SNX29: variants seen among roughly 807,000 people sequenced by gnomAD.
The protein encoded by SNX29 is sorting nexin 29, also known as sorting nexin-29.
Under a neutral mutation model 102.1 loss-of-function variants are expected in SNX29, and 78 were observed. That is an observed-to-expected ratio of 0.76 (90% CI 0.64 to 0.92). The LOEUF (loss-of-function observed/expected upper bound fraction) is 0.92. Among genes scored for constraint, SNX29 ranks in the 40% least tolerant of loss-of-function variants. SNX29 has a pLI of 0.00. For synonymous variants in SNX29, 580 were observed against 414.5 expected, an observed-to-expected ratio of 1.40 and a Z score of -4.85; for missense variants, 1,280 against 1,061.7, an observed-to-expected ratio of 1.21 and a Z score of -2.86.
At chr16:12,562,720 A>G (rs759089667) in intron 20 of SNX29, among the ~76,000 whole-genome samples, 11 of 152,304 alleles carry the variant, frequency 7.2e-5, no homozygotes, top group Admixed American at 3.3e-4. Context: ...CTACCGTGGT[A>G]CTGTTTCTCG....
Position 12,524,728 on chromosome 16 carries a change from A to G in SNX29, c.2205A>G (p.Arg735=). 1 of 1,613,460 alleles carries G rather than the reference A, an allele frequency of 6.2e-7. No individual in the cohort carries two copies. Among genetic ancestry groups the G allele is most frequent in the Non-Finnish European group, 8.5e-7 (1 of 1,179,706 alleles). ...ATGCCAAGTTTGTGGAGGAACGGAG[A>G]AAGCAGCTCCAGAATTACCTGCGCA... ...NKDAKFVEER[R]KQLQNYLRSV... The change falls in exon 20 of 21, where the codon AGA becomes AGG. Residue 735 remains arginine (R), a synonymous_variant. Transcript: ENST00000566228.
intron 20 of SNX29, among the ~76,000 whole-genome samples, chr16:12,540,129 C>T (rs996194257): frequency 2.0e-5 from 3 of 152,106 alleles, no homozygotes; most frequent in Non-Finnish European, 4.4e-5. Context: ...CCTAGGTTTT[C>T]CTCAAAGTTT....
At chr16:12,229,782 T>C (rs764736293) in intron 14 of SNX29, among the ~76,000 whole-genome samples, 6 of 152,204 alleles carry the variant, frequency 3.9e-5, no homozygotes, top group Non-Finnish European at 5.9e-5. Flanking sequence ...ACGCTGAGGT[T>C]ACCTCTGCAG....
At chr16:12,383,094 C>T (rs890921562) in intron 16 of SNX29, among the ~76,000 whole-genome samples, 1 of 152,308 alleles carries the variant, frequency 6.6e-6, no homozygotes, top group Middle Eastern at 3.4e-3. Flanking sequence ...ACAAGTAATA[C>T]ATGAAGACAT....
chr16:12,173,999 C>T (rs1207939777), intron 13 of SNX29, among the ~76,000 whole-genome samples: 2 of 152,298 alleles, frequency 1.3e-5, no homozygotes, highest in African/African-American at 4.8e-5. Context: ...AGGCTGGTTT[C>T]GAAATCTTGA....
At chr16:12,328,264 A>T (rs1446754942) in intron 15 of SNX29, among the ~76,000 whole-genome samples, 1 of 152,206 alleles carries the variant, frequency 6.6e-6, no homozygotes, top group Non-Finnish European at 1.5e-5. Flanking sequence ...ACCCTCAGCC[A>T]GCGATGTTTC....
At chr16:12,285,974 C>G (rs1254276102) in intron 15 of SNX29, among the ~76,000 whole-genome samples, 4 of 151,948 alleles carry the variant, frequency 2.6e-5, no homozygotes, top group African/African-American at 7.2e-5. Context: ...TCCTGCTTCC[C>G]CCTCCACAGT....
intron 5 of SNX29, 95 bp from the exon 6 acceptor site, chr16:12,046,289 C>T (rs1043867853): frequency 4.0e-5 from 49 of 1,223,632 alleles, no homozygotes; most frequent in Middle Eastern, 2.3e-4. Context: ...TGACCAGGTG[C>T]AGATCTTCCA....
chr16:12,238,470 C>T (rs1336180911), intron 14 of SNX29, among the ~76,000 whole-genome samples: 1 of 152,144 alleles, frequency 6.6e-6, no homozygotes, highest in Non-Finnish European at 1.5e-5. Flanking sequence ...GGATTACAGC[C>T]ACGTGCCACC....
intron 18 of SNX29, among the ~76,000 whole-genome samples, chr16:12,458,312 G>T (rs920605350): frequency 6.6e-6 from 1 of 152,066 alleles, no homozygotes. Context: ...ATTTCGGCGG[G>T]GGACAGGTCT....
chr16:12,292,309 A>G (rs942521854), intron 15 of SNX29, among the ~76,000 whole-genome samples: 7 of 152,182 alleles, frequency 4.6e-5, no homozygotes, highest in Non-Finnish European at 1.0e-4. Context: ...CATTCCTACT[A>G]GAGAGAGTCT....
chr16:12,331,661 C>T (rs562243763), intron 15 of SNX29, among the ~76,000 whole-genome samples: 1 of 152,122 alleles, frequency 6.6e-6, no homozygotes, highest in East Asian at 1.9e-4. Context: ...ATGCAAATCT[C>T]CTGCCTCAGT....
At chr16:12,346,092 A>G (rs1567461383) in intron 15 of SNX29, among the ~76,000 whole-genome samples, 3 of 120,014 alleles carry the variant, frequency 2.5e-5, no homozygotes, top group Admixed American at 1.6e-4. Flanking sequence ...GATTTTAAGC[A>G]GTAAAGGGGT....
chr16:12,471,265 T>C (rs1010407517), intron 18 of SNX29, among the ~76,000 whole-genome samples: 2 of 152,162 alleles, frequency 1.3e-5, no homozygotes, highest in Non-Finnish European at 2.9e-5. Context: ...CATGTTTGTG[T>C]GTGTGTCTGA....
chr16:12,152,524 G>T (rs564448988), intron 13 of SNX29, among the ~76,000 whole-genome samples: 2 of 152,158 alleles, frequency 1.3e-5, no homozygotes, highest in Non-Finnish European at 1.5e-5. Flanking sequence ...AACCTGGAAC[G>T]CGTTGCTTTC....
rs762061037 is a variant in SNX29 at position 12,051,928 on chromosome 16, A to C, written c.830A>C (p.Asn277Thr). The C allele has an allele frequency of 6.2e-7, 1 of 1,613,620 alleles. No homozygotes were observed. The highest frequency in any genetic ancestry group is 8.5e-7 in the Non-Finnish European group (1 of 1,179,794). ...ISFDDEEDEQ[N>T]SGDVFKKTPG... ...TTTGATGATGAGGAAGATGAGCAGA[A>C]CTCTGGGGACGTGTTTAAAAAGACA... is the stretch of plus-strand genomic sequence containing the variant. The change falls in exon 8 of 21, where the codon AAC becomes ACC. Residue 277 changes from asparagine (N) to threonine (T), a missense_variant. By Grantham distance (65) the Asn-to-Thr change is moderately conservative. Transcript: ENST00000566228.
chr16:12,293,694 C>CTT (rs2079879646), intron 15 of SNX29, among the ~76,000 whole-genome samples: 1 of 152,158 alleles, frequency 6.6e-6, no homozygotes, highest in East Asian at 1.9e-4. Flanking sequence ...ACATTTTTTA[C>CTT]TTAATCCACT....
intron 19 of SNX29, among the ~76,000 whole-genome samples, chr16:12,516,201 C>G (rs1198015448): frequency 6.6e-6 from 1 of 152,092 alleles, no homozygotes; most frequent in East Asian, 1.9e-4. Flanking sequence ...GGTACGAGAC[C>G]AGGCGTGGTG....
chr16:12,037,140 G>C (rs562232866), intron 4 of SNX29, among the ~76,000 whole-genome samples: 2 of 152,112 alleles, frequency 1.3e-5, no homozygotes, highest in African/African-American at 4.8e-5. Flanking sequence ...CTCCTTACGG[G>C]TCATATTATA....
Sources: allele counts gnomAD v4.1 joint callset (sites outside exome capture counted in the v4.1 genomes callset), GRCh38; gene constraint gnomAD v4.1.1; transcripts MANE v1.5; gene names NCBI Gene and HGNC (gene_info 2026-07-23, HGNC 2026-07-21).